Variants in SPOCK3 observed in about 807,000 individuals in gnomAD.
The protein encoded by SPOCK3 is testican-3.
Under a neutral mutation model 56.6 loss-of-function variants are expected in SPOCK3, and 30 were observed. The observed-to-expected ratio is 0.53, with a 90% CI of 0.40 to 0.72. The LOEUF (loss-of-function observed/expected upper bound fraction) is 0.72. Among genes scored for constraint, SPOCK3 ranks in the 30% least tolerant of loss-of-function variants. SPOCK3 has a pLI of 0.00. For synonymous variants in SPOCK3, 196 were observed against 183.3 expected (o/e 1.07, Z -0.56); for missense variants, 527 against 530.0 (o/e 0.99, Z 0.06).
intron 3 of SPOCK3, among the ~76,000 whole-genome samples, chr4:167,051,368 T>C (rs1473609828): frequency 2.6e-5 from 4 of 152,244 alleles, no homozygotes; most frequent in Non-Finnish European, 4.4e-5. Context: ...TCAATCTTAA[T>C]AATTCTTCTT....
chr4:166,764,205 T>A (rs987240646), intron 7 of SPOCK3, among the ~76,000 whole-genome samples: 6 of 152,084 alleles, frequency 3.9e-5, no homozygotes, highest in African/African-American at 9.7e-5. Flanking sequence ...CACTTTTTTT[T>A]TATACTTTAA....
chr4:166,859,411 T>C (rs1436235901), intron 6 of SPOCK3, among the ~76,000 whole-genome samples: 1 of 152,210 alleles, frequency 6.6e-6, no homozygotes, highest in African/African-American at 2.4e-5. Flanking sequence ...GGAGCAATTC[T>C]ATTAAGTCAA....
At chr4:167,164,226 ATAAG>A (rs1029977207) in intron 2 of SPOCK3, among the ~76,000 whole-genome samples, 2 of 152,118 alleles carry the variant, frequency 1.3e-5, no homozygotes, top group Non-Finnish European at 2.9e-5. Context: ...ATCACTCAAA[ATAAG>A]TAACATTCTA....
intron 7 of SPOCK3, among the ~76,000 whole-genome samples, chr4:166,778,757 G>C (rs1194042660): frequency 6.6e-6 from 1 of 151,624 alleles, no homozygotes. Context: ...AGGGTATGAA[G>C]AGTTAATAGA....
chr4:166,873,328 T>G (rs1732695971), intron 6 of SPOCK3, among the ~76,000 whole-genome samples: 3 of 152,182 alleles, frequency 2.0e-5, no homozygotes, highest in Admixed American at 2.0e-4. Context: ...GACTGATACT[T>G]GTCATTATAA....
At chr4:167,031,020 C>T (rs1580060811) in intron 3 of SPOCK3, among the ~76,000 whole-genome samples, 1 of 152,104 alleles carries the variant, frequency 6.6e-6, no homozygotes, top group African/African-American at 2.4e-5. Context: ...AGCATCATAT[C>T]TTTGAAGGAT....
chr4:166,792,439 C>T (rs1741458849), intron 6 of SPOCK3, 150 bp from the exon 7 acceptor site: 4 of 692,158 alleles, frequency 5.8e-6, no homozygotes, highest in Non-Finnish European at 9.4e-6. Context: ...TAAATATATG[C>T]CTTAAAATAA....
At chr4:167,175,907 C>T (rs1730943414) in intron 2 of SPOCK3, among the ~76,000 whole-genome samples, 1 of 152,106 alleles carries the variant, frequency 6.6e-6, no homozygotes, top group African/African-American at 2.4e-5. Context: ...TTTCCTATTG[C>T]TGCTGTAACA....
chr4:167,109,121 T>A (rs1196150434), intron 2 of SPOCK3, among the ~76,000 whole-genome samples: 4 of 34,954 alleles, frequency 1.1e-4, no homozygotes, highest in Admixed American at 5.7e-4. Context: ...AAAATATATA[T>A]AAATATTATA....
intron 2 of SPOCK3, among the ~76,000 whole-genome samples, chr4:167,155,937 G>A (rs1027068208): frequency 1.3e-5 from 2 of 151,722 alleles, no homozygotes; most frequent in Admixed American, 6.6e-5. Context: ...GTATACCTTC[G>A]TAACAAAACT....
chr4:167,201,921 T>C (rs1166807417), intron 2 of SPOCK3, among the ~76,000 whole-genome samples: 4 of 152,000 alleles, frequency 2.6e-5, no homozygotes, highest in African/African-American at 9.7e-5. Context: ...TTTTCAGTTT[T>C]ATATATTGTT....
chr4:167,110,071 A>T (rs1014443039), intron 2 of SPOCK3, among the ~76,000 whole-genome samples: 26 of 152,020 alleles, frequency 1.7e-4, no homozygotes, highest in African/African-American at 4.3e-4. Context: ...AGCCACATCT[A>T]ACCCTCCTTG....
chr4:166,811,373 A>G (rs182270336), intron 6 of SPOCK3, among the ~76,000 whole-genome samples: 12 of 151,606 alleles, frequency 7.9e-5, no homozygotes, highest in Admixed American at 5.9e-4. Flanking sequence ...GCACTGTCTT[A>G]GCTTTATCCC....
chr4:166,822,540 T>C (rs1368357063), intron 6 of SPOCK3, among the ~76,000 whole-genome samples: 2 of 152,074 alleles, frequency 1.3e-5, no homozygotes, highest in East Asian at 3.9e-4. Flanking sequence ...ACTCATAGGA[T>C]GTCTGATCTC....
At chr4:166,843,940 T>C (rs1365542719) in intron 6 of SPOCK3, among the ~76,000 whole-genome samples, 1 of 152,168 alleles carries the variant, frequency 6.6e-6, no homozygotes, top group Non-Finnish European at 1.5e-5. Flanking sequence ...ATGAGAAACA[T>C]GGCCTAGCTA....
In SPOCK3 at chr4:167,105,473, A is replaced by AC. The variant is rs1055382707; in HGVS notation, c.190-42937_190-42936insG. 5.3e-5 allele frequency among the ~76,000 whole-genome samples: 8 copies of AC among 150,586 alleles called. No individual in the cohort carries two copies. In the East Asian group the frequency reaches 7.8e-4, roughly 15 times the overall value. On this transcript the variant is annotated intron_variant, in intron 2 of 10. Coordinates refer to ENST00000357545, the MANE Select transcript of SPOCK3 (RefSeq NM_001040159.2). ...CAAATACACAAAAATTAAAAAAAAA[A>AC]AAAAAAACGAATCATACCACCAGAA...
intron 6 of SPOCK3, among the ~76,000 whole-genome samples, chr4:166,811,395 T>A (rs966550550): frequency 6.6e-6 from 1 of 151,838 alleles, no homozygotes; most frequent in African/African-American, 2.4e-5. Flanking sequence ...TAAGTTATGA[T>A]AACCTAGTAT....
chr4:167,218,056 T>A (rs868031524), intron 2 of SPOCK3, among the ~76,000 whole-genome samples: 13 of 152,144 alleles, frequency 8.5e-5, no homozygotes, highest in East Asian at 3.8e-4. Flanking sequence ...AAACTTTTTT[T>A]AATTACAATT....
At chr4:166,909,516 G>T (rs1737022915) in intron 5 of SPOCK3, among the ~76,000 whole-genome samples, 1 of 151,940 alleles carries the variant, frequency 6.6e-6, no homozygotes, top group Non-Finnish European at 1.5e-5. Flanking sequence ...AATATTATTT[G>T]TAGTATTAAA....
Sources: allele counts gnomAD v4.1 joint callset (sites outside exome capture counted in the v4.1 genomes callset), GRCh38; gene constraint gnomAD v4.1.1; transcripts MANE v1.5; gene names NCBI Gene and HGNC (gene_info 2026-07-23, HGNC 2026-07-21).